AFF3: variants seen among roughly 807,000 people sequenced by gnomAD.
AFF3 encodes the protein AF4/FMR2 family member 3.
Under a neutral mutation model 129.7 loss-of-function variants are expected in AFF3, and 32 were observed. The observed-to-expected ratio is 0.25, with a 90% CI of 0.19 to 0.33. The LOEUF is 0.33. Ranked by LOEUF, AFF3 falls within the 10% of genes least tolerant of loss-of-function variation. AFF3 has a pLI of 1.00. For synonymous variants in AFF3, 644 were observed against 635.4 expected (o/e 1.01, Z -0.20); for missense variants, 1,373 against 1,592.0 (o/e 0.86, Z 2.34).
chr2:99,670,621 A>G (rs987739955), intron 12 of AFF3, among the ~76,000 whole-genome samples: 10 of 152,114 alleles, frequency 6.6e-5, no homozygotes, highest in East Asian at 1.9e-4. Context: ...AAAAAATACC[A>G]TATCATTAGT....
intron 4 of AFF3, among the ~76,000 whole-genome samples, chr2:100,093,881 C>A (rs1328769097): frequency 4.6e-5 from 7 of 152,196 alleles, no homozygotes; most frequent in Non-Finnish European, 8.8e-5. Context: ...AGTCACACAG[C>A]TAGGGCCACA....
intron 11 of AFF3, among the ~76,000 whole-genome samples, chr2:99,689,559 T>A (rs995353082): frequency 1.3e-5 from 2 of 150,522 alleles, no homozygotes; most frequent in African/African-American, 4.9e-5. Context: ...GTCTGTCTCA[T>A]CTGCCTACTC....
intron 7 of AFF3, among the ~76,000 whole-genome samples, chr2:100,000,302 C>G (rs1681260907): frequency 6.6e-6 from 1 of 151,980 alleles, no homozygotes; most frequent in African/African-American, 2.4e-5. Flanking sequence ...ATAATAATAG[C>G]TCAGAAAAAA....
intron 4 of AFF3, among the ~76,000 whole-genome samples, chr2:100,047,197 T>C (rs916748318): frequency 2.6e-5 from 4 of 152,242 alleles, no homozygotes; most frequent in Non-Finnish European, 5.9e-5. Context: ...GAAGGCGCTC[T>C]TGAGCAGTGC....
intron 7 of AFF3, among the ~76,000 whole-genome samples, chr2:99,991,917 A>C (rs1232115221): frequency 1.3e-5 from 2 of 150,208 alleles, no homozygotes; most frequent in African/African-American, 5.0e-5. Context: ...ACAAAAACAA[A>C]AACAAAAAAA....
chr2:100,004,550 T>A (rs144163450), intron 7 of AFF3, among the ~76,000 whole-genome samples: 1 of 152,220 alleles, frequency 6.6e-6, no homozygotes, highest in African/African-American at 2.4e-5. Context: ...CCTCCCAAAG[T>A]ACTGGGATTA....
chr2:100,054,961 C>T (rs887932215), intron 4 of AFF3, among the ~76,000 whole-genome samples: 1 of 152,172 alleles, frequency 6.6e-6, no homozygotes, highest in East Asian at 1.9e-4. Context: ...TGTGATTTGA[C>T]CTGAGCAGAT....
chr2:99,906,782 C>T (rs1036681806), intron 7 of AFF3, among the ~76,000 whole-genome samples: 2 of 151,960 alleles, frequency 1.3e-5, no homozygotes, highest in African/African-American at 4.8e-5. Flanking sequence ...TGCCTGCTAG[C>T]CCCATATTCG....
chr2:100,130,828 C>G (rs1404429271), intron 1 of AFF3, among the ~76,000 whole-genome samples: 2 of 152,148 alleles, frequency 1.3e-5, no homozygotes, highest in Non-Finnish European at 2.9e-5. Flanking sequence ...GTACCACAGG[C>G]TTCTCAGCTG....
chr2:99,968,309 C>T (rs565512057), intron 7 of AFF3, among the ~76,000 whole-genome samples: 1 of 152,288 alleles, frequency 6.6e-6, no homozygotes, highest in East Asian at 1.9e-4. Context: ...CATACTTTTG[C>T]CCTTAAGTGG....
At chr2:100,045,985 G>T (rs900057895) in intron 4 of AFF3, among the ~76,000 whole-genome samples, 13 of 152,074 alleles carry the variant, frequency 8.5e-5, no homozygotes, top group African/African-American at 2.7e-4. Flanking sequence ...GTGAATTTTT[G>T]ACTGCATGAG....
chr2:99,711,798 A>C (rs1677916960), intron 11 of AFF3, among the ~76,000 whole-genome samples: 1 of 152,232 alleles, frequency 6.6e-6, no homozygotes, highest in African/African-American at 2.4e-5. Context: ...AGATTCATTA[A>C]AGATAACATT....
intron 2 of AFF3, among the ~76,000 whole-genome samples, chr2:100,122,450 T>C (rs1385960012): frequency 1.3e-5 from 2 of 152,232 alleles, no homozygotes; most frequent in African/African-American, 4.8e-5. Flanking sequence ...ATTTTGTAGA[T>C]GCAGAAACAA....
chr2:100,125,837 G>A (rs954925608), intron 2 of AFF3, among the ~76,000 whole-genome samples: 4 of 152,066 alleles, frequency 2.6e-5, no homozygotes, highest in Non-Finnish European at 5.9e-5. Flanking sequence ...GCAGGGGGTG[G>A]GTGACAGGCT....
intron 8 of AFF3, among the ~76,000 whole-genome samples, chr2:99,805,118 T>A (rs907095818): frequency 8.5e-5 from 13 of 152,198 alleles, no homozygotes; most frequent in African/African-American, 3.1e-4. Context: ...TTTCTTAGTG[T>A]AATTGACAGC....
At position 99,791,827 on chromosome 2, in the gene AFF3, C is replaced by CT. The variant is rs112734176; in HGVS notation, c.922-39527dup. Among the ~76,000 whole-genome samples, 328 of 141,384 alleles carry CT rather than the reference C, an allele frequency of 2.3e-3. 2 individuals carry two copies. Among genetic ancestry groups the CT allele is most frequent in the African/African-American group, 4.3e-3 (166 of 38,688 alleles). 92.8% of individuals were successfully genotyped at this position (141,384 alleles called of 152,430 possible). A position where few individuals can be genotyped will look rare whatever the true frequency, so the allele number is the denominator to read the frequency against. On this transcript the variant is annotated intron_variant, in intron 8 of 24. Transcript: ENST00000672756. ...ATATTTTTTGCAATTTTGTGTTTTT[C>CT]TTTTTTTTTTTTTTAATTTTGCTGT...
At chr2:99,644,679 AT>A (rs1246215604) in intron 13 of AFF3, among the ~76,000 whole-genome samples, 1 of 152,232 alleles carries the variant, frequency 6.6e-6, no homozygotes, top group Non-Finnish European at 1.5e-5. Context: ...GCTCAGCTTG[AT>A]AAATCACATG....
chr2:99,776,073 T>C (rs564199000), intron 8 of AFF3, among the ~76,000 whole-genome samples: 16 of 152,280 alleles, frequency 1.1e-4, no homozygotes, highest in Non-Finnish European at 2.1e-4. Context: ...TGAAAATGCA[T>C]GACTATCTCT....
At chr2:99,590,758 C>A (rs1281189981) in intron 15 of AFF3, among the ~76,000 whole-genome samples, 3 of 151,980 alleles carry the variant, frequency 2.0e-5, no homozygotes, top group Non-Finnish European at 2.9e-5. Flanking sequence ...TTTAGGAGGC[C>A]GAGGCAGGCG....
Sources: allele counts gnomAD v4.1 joint callset (sites outside exome capture counted in the v4.1 genomes callset), GRCh38; gene constraint gnomAD v4.1.1; transcripts MANE v1.5; gene names NCBI Gene and HGNC (gene_info 2026-07-23, HGNC 2026-07-21).